The following DOCK11 variants were observed in gnomAD, a reference collection of about 807,000 sequenced individuals.
DOCK11 encodes the protein dedicator of cytokinesis protein 11.
A neutral mutation model predicts 169.1 loss-of-function variants in DOCK11; 70 were observed. That is an observed-to-expected ratio of 0.41 (90% CI 0.34 to 0.51). The LOEUF is 0.51. Among genes scored for constraint, DOCK11 ranks in the 20% least tolerant of loss-of-function variants. DOCK11 has a pLI of 0.10. For synonymous variants in DOCK11, 529 were observed against 541.3 expected (o/e 0.98, Z 0.32); for missense variants, 1,166 against 1,538.8 (o/e 0.76, Z 4.05).
intron 30 of DOCK11, chrX:118,616,117 G>C: frequency 1.7e-6 from 1 of 576,111 alleles, no homozygotes; most frequent in Non-Finnish European, 2.3e-6. Context: ...TCCATTGCTA[G>C]TTTTATTGAA....
At chrX:118,551,368 G>A (rs1442144516) in intron 6 of DOCK11, among the ~76,000 whole-genome samples, 4 of 112,026 alleles carry the variant, frequency 3.6e-5, no homozygotes, top group African/African-American at 1.3e-4. Flanking sequence ...AGAGGTGTAC[G>A]TTTAAGCGTC....
intron 36 of DOCK11, among the ~76,000 whole-genome samples, chrX:118,636,792 C>T (rs1429243957): frequency 1.8e-5 from 2 of 109,783 alleles, no homozygotes; most frequent in African/African-American, 6.7e-5. Flanking sequence ...CTGAGTAATT[C>T]TACCCACTGC....
intron 14 of DOCK11, among the ~76,000 whole-genome samples, chrX:118,581,840 A>AAAAAAG (rs2013651055): frequency 1.1e-5 from 1 of 89,249 alleles, no homozygotes; most frequent in African/African-American, 4.2e-5. Flanking sequence ...AAAAAAAAAA[A>AAAAAAG]TTGGTTATTG....
chrX:118,666,278 A>G (rs2016337899), intron 45 of DOCK11, among the ~76,000 whole-genome samples: 1 of 111,892 alleles, frequency 8.9e-6, no homozygotes, highest in African/African-American at 3.2e-5. Context: ...TAAAAATGAT[A>G]TAATTAATAT....
chrX:118,564,744 C>G (rs1481058867), intron 7 of DOCK11, among the ~76,000 whole-genome samples: 1 of 97,618 alleles, frequency 1.0e-5, no homozygotes, highest in African/African-American at 3.8e-5. Flanking sequence ...TCGTTCTTTC[C>G]TTCTTTCCCT....
intron 5 of DOCK11, 43 bp from the exon 6 acceptor site, chrX:118,545,978 C>A: frequency 1.0e-6 from 1 of 969,893 alleles, no homozygotes; most frequent in Non-Finnish European, 1.5e-6. Flanking sequence ...AATTAGATGG[C>A]AGGCTGGCTG....
At chrX:118,541,306 A>G (rs1337275346) in intron 1 of DOCK11, among the ~76,000 whole-genome samples, 1 of 111,667 alleles carries the variant, frequency 9.0e-6, no homozygotes, top group East Asian at 2.8e-4. Flanking sequence ...GTGTGCATGC[A>G]TGACAGCTGT....
At chrX:118,659,396 C>T (rs2016159554) in intron 44 of DOCK11, among the ~76,000 whole-genome samples, 1 of 112,181 alleles carries the variant, frequency 8.9e-6, no homozygotes, top group African/African-American at 3.2e-5. Context: ...CATAGGTCTA[C>T]ATGAGATCCC....
intron 26 of DOCK11, 96 bp downstream of exon 26, chrX:118,608,452 A>C (rs2014594869): frequency 4.9e-6 from 5 of 1,018,816 alleles, no homozygotes; most frequent in Non-Finnish European, 6.6e-6. Flanking sequence ...TCAGTTTCAC[A>C]TGTGACCCGT....
chrX:118,548,645 G>C (rs1252391010), intron 6 of DOCK11, among the ~76,000 whole-genome samples: 1 of 111,508 alleles, frequency 9.0e-6, no homozygotes, highest in Non-Finnish European at 1.9e-5. Flanking sequence ...GCCGAGAAAT[G>C]CAGGCAGCTT....
chrX:118,544,559 A>G (rs1443612629), intron 4 of DOCK11, among the ~76,000 whole-genome samples: 1 of 109,364 alleles, frequency 9.1e-6, no homozygotes, highest in Non-Finnish European at 1.9e-5. Flanking sequence ...GGAAAAAAAA[A>G]GAAAAAGAAA....
chrX:118,654,806 G>T lies in DOCK11; in HGVS notation c.4900G>T (p.Asp1634Tyr), dbSNP rs202108465. ...GGCCAAGATTCATGTAAAAAATGGA[G>T]ATTTTTCAGAGGTGACTACTTAAAG... Reference protein sequence around the residue: ...SMAKIHVKNGDFSEAAMCYVH... With the variant: ...SMAKIHVKNGYFSEAAMCYVH... Residue 1634 changes from aspartate (D) to tyrosine (Y), a missense_variant, in exon 43 of 53, where the codon GAT becomes TAT. Coordinates refer to ENST00000276202, the MANE Select transcript of DOCK11 (RefSeq NM_144658.4). The T allele has an allele frequency of 6.6e-6, 8 of 1,209,591 alleles. No homozygotes were observed. The highest frequency in any genetic ancestry group is 8.9e-6 in the Non-Finnish European group (8 of 895,053).
At chrX:118,569,091 C>CTTTTTTTTTT (rs1186200391) in intron 10 of DOCK11, among the ~76,000 whole-genome samples, 35 of 45,001 alleles carry the variant, frequency 7.8e-4, no homozygotes, top group Non-Finnish European at 1.2e-3. Flanking sequence ...TCTTTCTTTC[C>CTTTTTTTTTT]TTTTTTTTTT....
intron 26 of DOCK11, among the ~76,000 whole-genome samples, chrX:118,609,017 T>C (rs1400190393): frequency 8.9e-6 from 1 of 111,879 alleles, no homozygotes; most frequent in African/African-American, 3.2e-5. Flanking sequence ...TTGAGGGCAA[T>C]TAGAAACAAT....
intron 52 of DOCK11, among the ~76,000 whole-genome samples, chrX:118,683,740 A>C (rs2016794153): frequency 1.8e-5 from 2 of 112,320 alleles, no homozygotes; most frequent in Non-Finnish European, 3.8e-5. Flanking sequence ...ACTGTAATCA[A>C]GATATTCTGA....
chrX:118,656,246 A>C lies in DOCK11; in HGVS notation c.4969+1285A>C, dbSNP rs187740545. Reference sequence around the variant, plus strand: ...ACTGCACTTCAACCTGGGTGACAGGACAAGACCCTGTCTCAAAAAATAATA... The same window carrying C: ...ACTGCACTTCAACCTGGGTGACAGGCCAAGACCCTGTCTCAAAAAATAATA... On this transcript the variant is annotated intron_variant, in intron 44 of 52. Coordinates refer to ENST00000276202, the MANE Select transcript of DOCK11 (RefSeq NM_144658.4). Among the ~76,000 whole-genome samples the C allele has an allele frequency of 4.2e-4, 46 of 109,471 alleles. No individual in the cohort carries two copies. In the East Asian group the frequency reaches 0.012, roughly 27 times the overall value.
intron 6 of DOCK11, among the ~76,000 whole-genome samples, chrX:118,556,051 T>TC (rs1273382972): frequency 1.1e-4 from 12 of 107,451 alleles, no homozygotes; most frequent in Admixed American, 1.0e-3. Context: ...TTTCTTTCTT[T>TC]TTTTTTTTTT....
At chrX:118,684,364 C>A (rs566668339) in intron 52 of DOCK11, among the ~76,000 whole-genome samples, 1 of 105,664 alleles carries the variant, frequency 9.5e-6, no homozygotes, top group Non-Finnish European at 1.9e-5. Flanking sequence ...CTCCGCCTCC[C>A]GGATTCAAGT....
chrX:118,606,079 G>GA (rs2014489423), intron 24 of DOCK11, among the ~76,000 whole-genome samples: 1 of 77,700 alleles, frequency 1.3e-5, no homozygotes, highest in African/African-American at 4.7e-5. Context: ...CTGAGGAACA[G>GA]AATTTTTTTT....
Sources: allele counts gnomAD v4.1 joint callset (sites outside exome capture counted in the v4.1 genomes callset), GRCh38; gene constraint gnomAD v4.1.1; transcripts MANE v1.5; gene names NCBI Gene and HGNC (gene_info 2026-07-23, HGNC 2026-07-21).